FAT3: variants seen among roughly 807,000 people sequenced by gnomAD.
The protein encoded by FAT3 is FAT atypical cadherin 3.
A neutral mutation model predicts 310.2 loss-of-function variants in FAT3; 95 were observed. The ratio of observed to expected loss-of-function variants is 0.31; its 90% CI spans 0.26 to 0.36. The LOEUF is 0.36. FAT3 is among the 10% of genes least tolerant of loss of function. The probability of loss-of-function intolerance (pLI) is 1.00; values close to 1 mark genes in which losing one functional copy is unlikely to be tolerated. For synonymous variants in FAT3, 2,314 were observed against 2,192.9 expected, an observed-to-expected ratio of 1.06 and a Z score of -1.54; for missense variants, 5,408 against 5,715.6, an observed-to-expected ratio of 0.95 and a Z score of 1.74.
rs550410390 is a variant in FAT3 at position 92,864,451 on chromosome 11, T to G, written c.11659-2290T>G. Among the ~76,000 whole-genome samples, 241 of 152,330 alleles carry G rather than the reference T, an allele frequency of 1.6e-3. 1 individual carries two copies. Among genetic ancestry groups the G allele is most frequent in the Admixed American group, 5.2e-3 (80 of 15,298 alleles). ...TCCAGGAGTTGCCATAGAGCAAGTA[T>G]TCTGGTATGATTTACAATATCTACT... On this transcript the variant is annotated intron_variant, in intron 21 of 27. Coordinates refer to ENST00000525166, the MANE Select transcript of FAT3 (RefSeq NM_001367949.2).
At position 92,792,727 on chromosome 11, in the gene FAT3, T is replaced by C. The variant is rs536646647; in HGVS notation, c.4612-40T>C. The C allele has an allele frequency of 3.1e-5, 50 of 1,596,192 alleles. 1 individual carries two copies. In the South Asian group the frequency reaches 4.2e-4, roughly 14 times the overall value. On this transcript the variant is annotated intron_variant, in intron 8 of 27. Transcript: ENST00000525166. ...ATAGCCATGTGAGTTCTTTGCAATT[T>C]AAAATTTGAGTCCCACCACTTCTTG...
chr11:92,879,726 A>T (rs1181343575), intron 22 of FAT3, among the ~76,000 whole-genome samples: 1 of 143,516 alleles, frequency 7.0e-6, no homozygotes, highest in African/African-American at 2.8e-5. Context: ...GGTTTGAAAT[A>T]AAAAAAAGCA....
At chr11:92,511,987 C>A (rs931828851) in intron 2 of FAT3, among the ~76,000 whole-genome samples, 2 of 152,116 alleles carry the variant, frequency 1.3e-5, no homozygotes, top group Non-Finnish European at 2.9e-5. Context: ...GAATTGCCTT[C>A]TTTTTCATGA....
intron 7 of FAT3, among the ~76,000 whole-genome samples, chr11:92,783,776 C>A (rs1946818734): frequency 6.6e-6 from 1 of 152,128 alleles, no homozygotes. Context: ...CAAAGGAAAA[C>A]CCTGTCTCAT....
At chr11:92,578,800 T>C (rs1437218694) in intron 3 of FAT3, among the ~76,000 whole-genome samples, 2 of 152,072 alleles carry the variant, frequency 1.3e-5, no homozygotes, top group Admixed American at 6.6e-5. Flanking sequence ...AGATCACTTA[T>C]GAGAGAAGCT....
Position 92,798,526 on chromosome 11 carries a change from A to C in FAT3, c.5513A>C (p.Asn1838Thr). The change falls in exon 10 of 28, where the codon AAC becomes ACC. Residue 1838 changes from asparagine to threonine, a missense_variant. Coordinates refer to ENST00000525166, the MANE Select transcript of FAT3 (RefSeq NM_001367949.2). ...SSTGAIRTIA[N>T]LDHETIAHFH... ...ACAGGTGCAATCAGAACAATTGCCA[A>C]CCTGGACCATGAAACCATTGCCCAT... 1 of 1,613,852 alleles carries C rather than the reference A, an allele frequency of 6.2e-7. No individual in the cohort carries two copies. The highest frequency in any genetic ancestry group is 1.6e-4 in the Middle Eastern group (1 of 6,062).
At chr11:92,673,229 T>C (rs1173790859) in intron 3 of FAT3, among the ~76,000 whole-genome samples, 1 of 152,204 alleles carries the variant, frequency 6.6e-6, no homozygotes, top group Non-Finnish European at 1.5e-5. Flanking sequence ...AGCTCATATT[T>C]GGGGCTCCGC....
At chr11:92,686,301 T>G (rs1943633273) in intron 3 of FAT3, among the ~76,000 whole-genome samples, 2 of 152,222 alleles carry the variant, frequency 1.3e-5, no homozygotes. Flanking sequence ...TAGCATAGTG[T>G]TGCCAAACAA....
intron 1 of FAT3, among the ~76,000 whole-genome samples, chr11:92,267,032 A>G (rs1029858609): frequency 2.8e-5 from 4 of 142,866 alleles, no homozygotes; most frequent in Non-Finnish European, 1.5e-5. Flanking sequence ...GTGGAAGGGC[A>G]TTGAGAGGCT....
At chr11:92,758,269 C>A (rs1037212960) in intron 4 of FAT3, among the ~76,000 whole-genome samples, 1 of 152,152 alleles carries the variant, frequency 6.6e-6, no homozygotes, top group African/African-American at 2.4e-5. Flanking sequence ...AGCAAATAGA[C>A]ACTTAAAATG....
chr11:92,700,709 G>A (rs73556464), intron 4 of FAT3, among the ~76,000 whole-genome samples: 2,529 of 152,086 alleles, frequency 0.017, 29 homozygotes, highest in Middle Eastern at 0.051. Flanking sequence ...TTCCAAGCTC[G>A]CCACACACAC....
chr11:92,885,835 C>T (rs973341569), intron 24 of FAT3, among the ~76,000 whole-genome samples: 1 of 152,200 alleles, frequency 6.6e-6, no homozygotes. Context: ...GTCATATTTT[C>T]TGCAACATGG....
intron 4 of FAT3, among the ~76,000 whole-genome samples, chr11:92,747,076 G>C (rs1006462953): frequency 6.6e-6 from 1 of 152,190 alleles, no homozygotes; most frequent in African/African-American, 2.4e-5. Flanking sequence ...GTTCCACTAG[G>C]CAGTGCCCCA....
chr11:92,414,251 CT>C (rs1388694194), intron 2 of FAT3, among the ~76,000 whole-genome samples: 10 of 152,198 alleles, frequency 6.6e-5, no homozygotes, highest in African/African-American at 9.7e-5. Context: ...ACACCTGCCC[CT>C]TATCCCCACC....
chr11:92,229,514 G>T (rs1551607), intron 1 of FAT3, among the ~76,000 whole-genome samples: 34,211 of 55,536 alleles, frequency 0.62, 9,508 homozygotes, highest in Non-Finnish European at 0.67. Context: ...TTTGTTTTTT[G>T]TTTTTTTTTA....
chr11:92,271,322 C>T (rs1946117126), intron 1 of FAT3, among the ~76,000 whole-genome samples: 1 of 152,244 alleles, frequency 6.6e-6, no homozygotes, highest in East Asian at 1.9e-4. Flanking sequence ...TAACCCTCCC[C>T]AATATCCCTA....
chr11:92,509,823 A>G (rs1250302083), intron 2 of FAT3, among the ~76,000 whole-genome samples: 1 of 152,212 alleles, frequency 6.6e-6, no homozygotes, highest in Admixed American at 6.5e-5. Flanking sequence ...AGGCAATGCA[A>G]CAAAGACACC....
At chr11:92,567,868 A>T (rs1281604125) in intron 3 of FAT3, among the ~76,000 whole-genome samples, 1 of 133,734 alleles carries the variant, frequency 7.5e-6, no homozygotes, top group Non-Finnish European at 1.6e-5. Flanking sequence ...GGGGAAGGGA[A>T]CATCACACTC....
intron 4 of FAT3, among the ~76,000 whole-genome samples, chr11:92,710,549 G>A (rs1471328057): frequency 6.6e-6 from 1 of 152,210 alleles, no homozygotes; most frequent in Non-Finnish European, 1.5e-5. Flanking sequence ...GAGGTATGCA[G>A]GAATTAGAGA....
Sources: gnomAD v4.1 joint callset for allele counts (sites outside exome capture counted in the v4.1 genomes callset) on GRCh38, gnomAD v4.1.1 for gene constraint, MANE v1.5 for transcripts, NCBI Gene and HGNC (gene_info 2026-07-23, HGNC 2026-07-21) for gene names.